The following ATG7 variants were observed in gnomAD, a reference collection of about 807,000 sequenced individuals.
The protein encoded by ATG7 is ubiquitin-like modifier-activating enzyme ATG7.
Under a neutral mutation model 82.4 loss-of-function variants are expected in ATG7, and 70 were observed. The ratio of observed to expected loss-of-function variants is 0.85; its 90% CI spans 0.70 to 1.04. The LOEUF (loss-of-function observed/expected upper bound fraction) is 1.04. ATG7 is among the 50% of genes least tolerant of loss of function. The pLI, the probability that ATG7 is intolerant of heterozygous loss-of-function variation, is 0.00. For missense variants in ATG7, 792 were observed against 864.3 expected (o/e 0.92, Z 1.05); for synonymous variants, 287 against 313.0 (o/e 0.92, Z 0.88).
intron 20 of ATG7, among the ~76,000 whole-genome samples, chr3:11,511,859 T>C (rs574608498): frequency 2.5e-4 from 38 of 152,226 alleles, no homozygotes; most frequent in Middle Eastern, 6.8e-3. Flanking sequence ...CCCCACTGCC[T>C]GGGGCCAGCA....
At chr3:11,374,901 A>G (rs1466479116) in intron 18 of ATG7, among the ~76,000 whole-genome samples, 1 of 39,994 alleles carries the variant, frequency 2.5e-5, no homozygotes, top group African/African-American at 5.7e-5. Context: ...TCAAAAAAAA[A>G]AAAAAAAAAA....
intron 1 of ATG7, among the ~76,000 whole-genome samples, chr3:11,276,696 A>G (rs1941872886): frequency 1.3e-5 from 2 of 152,054 alleles, no homozygotes; most frequent in Non-Finnish European, 2.9e-5. Flanking sequence ...ACCCAGTCCT[A>G]CTTTGTATTA....
intron 20 of ATG7, among the ~76,000 whole-genome samples, chr3:11,522,594 C>G (rs572812480): frequency 3.9e-5 from 6 of 152,172 alleles, no homozygotes; most frequent in Admixed American, 1.3e-4. Flanking sequence ...GGGGCTTGAA[C>G]CAGAAGGAAT....
At chr3:11,486,707 G>A (rs2089691545) in intron 20 of ATG7, among the ~76,000 whole-genome samples, 1 of 152,010 alleles carries the variant, frequency 6.6e-6, no homozygotes, top group South Asian at 2.1e-4. Context: ...TTTGAGATAT[G>A]TCCCATCAGT....
rs144571347 is a variant in ATG7 at position 11,549,985 on chromosome 3, C to T, written c.2080-4826C>T. On this transcript the variant is annotated intron_variant, in intron 20 of 20. Coordinates refer to ENST00000693202, the MANE Select transcript of ATG7 (RefSeq NM_001349232.2). The stretch of plus-strand genomic sequence containing the variant: ...GCATTTCCCTGAGGACTGCAAACTG[C>T]ACGTCTTTTCTTATTTGCCATTATA... Among the ~76,000 whole-genome samples the T allele has an allele frequency of 6.0e-4, 91 of 152,298 alleles. 1 individual carries two copies. The South Asian group carries it at 0.013, about 21-fold the overall frequency.
intron 19 of ATG7, among the ~76,000 whole-genome samples, chr3:11,409,436 C>T (rs2080681552): frequency 6.6e-6 from 1 of 152,202 alleles, no homozygotes; most frequent in Admixed American, 6.5e-5. Flanking sequence ...TGCCCAACTG[C>T]AGGCTGACAT....
intron 20 of ATG7, among the ~76,000 whole-genome samples, chr3:11,441,151 G>C (rs2083911614): frequency 1.3e-5 from 2 of 152,190 alleles, no homozygotes; most frequent in Non-Finnish European, 2.9e-5. Context: ...TCAAGCATCT[G>C]TGTTTATCCT....
At chr3:11,437,131 C>CCCTCTCTCCTTT (rs1281266845) in intron 20 of ATG7, among the ~76,000 whole-genome samples, 6 of 152,128 alleles carry the variant, frequency 3.9e-5, no homozygotes, top group Admixed American at 3.9e-4. Context: ...GTTTCTCCTT[C>CCCTCTCTCCTTT]CCTCTCTCCT....
chr3:11,389,830 ACT>A (rs938517363), intron 19 of ATG7, among the ~76,000 whole-genome samples: 1 of 151,994 alleles, frequency 6.6e-6, no homozygotes, highest in Non-Finnish European at 1.5e-5. Context: ...TTTGTAATTG[ACT>A]CTGGATTCAC....
intron 20 of ATG7, among the ~76,000 whole-genome samples, chr3:11,439,642 C>T (rs1040250659): frequency 1.3e-5 from 2 of 152,054 alleles, no homozygotes; most frequent in Non-Finnish European, 2.9e-5. Flanking sequence ...TGGGTGTGCA[C>T]GTGGTGCAGT....
intron 20 of ATG7, among the ~76,000 whole-genome samples, chr3:11,551,291 T>C (rs1280841699): frequency 6.6e-6 from 1 of 152,224 alleles, no homozygotes; most frequent in Non-Finnish European, 1.5e-5. Context: ...CCTGGGTGTG[T>C]CTGCTTCCTG....
In ATG7 at chr3:11,409,048, G is replaced by A. The variant is rs74843503; in HGVS notation, c.1957-17756G>A. ...AGTTCTTCATGTATTTTGGATAATA[G>A]TCCTTTATTAAATGTGTCTTTTGTA... On this transcript the variant is annotated intron_variant, in intron 19 of 20. Coordinates refer to ENST00000693202, the MANE Select transcript of ATG7 (RefSeq NM_001349232.2). Among the ~76,000 whole-genome samples the A allele has an allele frequency of 8.0e-3, 1,217 of 152,252 alleles. 8 individuals carry two copies. Among genetic ancestry groups the A allele is most frequent in the South Asian group, 0.024 (114 of 4,830 alleles).
intron 20 of ATG7, among the ~76,000 whole-genome samples, chr3:11,489,129 T>C (rs1279175453): frequency 5.3e-5 from 8 of 152,208 alleles, no homozygotes; most frequent in Admixed American, 3.9e-4. Context: ...GGTTTAGTCT[T>C]GGGAGGGTGT....
intron 20 of ATG7, among the ~76,000 whole-genome samples, chr3:11,446,327 A>T (rs1420766602): frequency 6.6e-6 from 1 of 152,038 alleles, no homozygotes; most frequent in East Asian, 1.9e-4. Context: ...CCTAGATTTC[A>T]TGGTTTCAAT....
chr3:11,461,908 T>C (rs568785874), intron 20 of ATG7, among the ~76,000 whole-genome samples: 1 of 151,976 alleles, frequency 6.6e-6, no homozygotes, highest in South Asian at 2.1e-4. Context: ...CGGGCGCCTG[T>C]AGTCCCAGCT....
At chr3:11,433,437 G>A (rs1157996147) in intron 20 of ATG7, among the ~76,000 whole-genome samples, 1 of 151,738 alleles carries the variant, frequency 6.6e-6, no homozygotes, top group Non-Finnish European at 1.5e-5. Context: ...AGTAGAATAA[G>A]TATCAGTTCA....
chr3:11,519,137 A>G (rs1441712529), intron 20 of ATG7, among the ~76,000 whole-genome samples: 1 of 152,190 alleles, frequency 6.6e-6, no homozygotes, highest in East Asian at 1.9e-4. Flanking sequence ...TTATTTGAAA[A>G]TATTGTGGCC....
intron 19 of ATG7, among the ~76,000 whole-genome samples, chr3:11,395,688 C>G (rs1335452679): frequency 6.6e-6 from 1 of 152,148 alleles, no homozygotes; most frequent in Admixed American, 6.5e-5. Flanking sequence ...CGCCTGTAAT[C>G]CCAGCACTTT....
chr3:11,293,530 CAAAAA>C (rs34054325), intron 3 of ATG7, among the ~76,000 whole-genome samples: 1 of 57,304 alleles, frequency 1.7e-5, no homozygotes, highest in Non-Finnish European at 3.7e-5. Flanking sequence ...GACTCTGTCT[CAAAAA>C]AAAAAAAAAA....
Sources: allele counts gnomAD v4.1 joint callset (sites outside exome capture counted in the v4.1 genomes callset), GRCh38; gene constraint gnomAD v4.1.1; transcripts MANE v1.5; gene names NCBI Gene and HGNC (gene_info 2026-07-23, HGNC 2026-07-21).